Variants in GPR39 observed in about 807,000 individuals in gnomAD.
GPR39 encodes G protein-coupled receptor 39, also known as zinc sensing receptor.
In GPR39, 23 loss-of-function variants were observed where a neutral mutation model predicts 18.4. The ratio of observed to expected loss-of-function variants is 1.25; its 90% CI spans 0.90 to 1.77. The LOEUF (loss-of-function observed/expected upper bound fraction) is 1.77. Ranked by LOEUF, GPR39 falls within the 40% of genes most tolerant of loss-of-function variation. The pLI, the probability that GPR39 is intolerant of heterozygous loss-of-function variation, is 0.00. For missense variants in GPR39, 647 were observed against 602.4 expected (o/e 1.07, Z -0.78); for synonymous variants, 280 against 257.9 (o/e 1.09, Z -0.82).
chr2:132,516,007 C>A (rs917625294), intron 1 of GPR39, among the ~76,000 whole-genome samples: 2 of 152,248 alleles, frequency 1.3e-5, no homozygotes, highest in Admixed American at 1.3e-4. Context: ...GTTAATCTGT[C>A]TCCTGTTATC....
chr2:132,634,281 T>A (rs1221441027), intron 1 of GPR39, among the ~76,000 whole-genome samples: 3 of 152,162 alleles, frequency 2.0e-5, no homozygotes, highest in African/African-American at 7.2e-5. Context: ...ATCCCTTCAG[T>A]GTCTCCTTTG....
chr2:132,621,451 C>G (rs142941287), intron 1 of GPR39, among the ~76,000 whole-genome samples: 356 of 152,338 alleles, frequency 2.3e-3, no homozygotes, highest in African/African-American at 8.2e-3. Flanking sequence ...CATGTCTTGA[C>G]TTGTGATAAG....
intron 1 of GPR39, among the ~76,000 whole-genome samples, chr2:132,515,330 C>T (rs948461716): frequency 1.3e-5 from 2 of 152,180 alleles, no homozygotes; most frequent in African/African-American, 4.8e-5. Flanking sequence ...TTTATCCAAC[C>T]AAGGTTTCCA....
chr2:132,567,566 G>A (rs1027032882), intron 1 of GPR39, among the ~76,000 whole-genome samples: 4 of 152,056 alleles, frequency 2.6e-5, no homozygotes, highest in South Asian at 2.1e-4. Flanking sequence ...TGGATTTCTC[G>A]GCCTCCTGAA....
intron 1 of GPR39, among the ~76,000 whole-genome samples, chr2:132,507,335 G>A (rs1679153224): frequency 6.6e-6 from 1 of 152,168 alleles, no homozygotes; most frequent in Non-Finnish European, 1.5e-5. Flanking sequence ...GATAGAAGAA[G>A]TCTTAAAAAT....
chr2:132,626,771 A>G (rs888494218), intron 1 of GPR39, among the ~76,000 whole-genome samples: 17 of 152,300 alleles, frequency 1.1e-4, no homozygotes, highest in Non-Finnish European at 2.2e-4. Context: ...CCCGCAGGCC[A>G]CTACATTAAA....
At chr2:132,587,014 G>A (rs1466930138) in intron 1 of GPR39, among the ~76,000 whole-genome samples, 2 of 152,192 alleles carry the variant, frequency 1.3e-5, no homozygotes, top group Non-Finnish European at 2.9e-5. Flanking sequence ...GAGTTTATAT[G>A]TTCAATCTGG....
intron 1 of GPR39, among the ~76,000 whole-genome samples, chr2:132,546,839 CAAAAAAAAAAAAAA>C (rs60267293): frequency 5.9e-5 from 2 of 33,956 alleles, no homozygotes; most frequent in African/African-American, 9.0e-5. Flanking sequence ...AGCTCCACAG[CAAAAAAAAAAAAAA>C]AAAAAAAAAA....
At chr2:132,557,255 T>C (rs1680169518) in intron 1 of GPR39, among the ~76,000 whole-genome samples, 1 of 152,080 alleles carries the variant, frequency 6.6e-6, no homozygotes, top group African/African-American at 2.4e-5. Context: ...GGAGGGGAAG[T>C]TGGAGTGAAC....
intron 1 of GPR39, among the ~76,000 whole-genome samples, chr2:132,546,697 C>G (rs1423816166): frequency 6.6e-6 from 1 of 151,732 alleles, no homozygotes; most frequent in Non-Finnish European, 1.5e-5. Flanking sequence ...AAAACTCGGT[C>G]CAGCCCAGTC....
At chr2:132,624,023 G>C (rs1490747770) in intron 1 of GPR39, among the ~76,000 whole-genome samples, 1 of 152,178 alleles carries the variant, frequency 6.6e-6, no homozygotes, top group East Asian at 1.9e-4. Context: ...GGAAGCCAGG[G>C]ATAACCTGGG....
At chr2:132,628,311 G>A (rs890356251) in intron 1 of GPR39, among the ~76,000 whole-genome samples, 2 of 152,178 alleles carry the variant, frequency 1.3e-5, no homozygotes, top group East Asian at 1.9e-4. Context: ...GGAGTTATTT[G>A]GTTTCCTATG....
chr2:132,449,251 G>GTTTC (rs35509831), intron 1 of GPR39, among the ~76,000 whole-genome samples: 3 of 126,524 alleles, frequency 2.4e-5, no homozygotes, highest in African/African-American at 6.0e-5. Context: ...TTGTTTGTTT[G>GTTTC]TTTTGTTTTG....
chr2:132,603,300 TC>T (rs1681078158), intron 1 of GPR39, among the ~76,000 whole-genome samples: 1 of 152,190 alleles, frequency 6.6e-6, no homozygotes, highest in South Asian at 2.1e-4. Context: ...CCACATGTTC[TC>T]ACTCATGTGG....
In GPR39 at chr2:132,552,877, TATATATATACACAC is replaced by T. The variant is rs1370478709; in HGVS notation, c.857-92214_857-92201del. Among the ~76,000 whole-genome samples the T allele has an allele frequency of 2.4e-3, 247 of 102,326 alleles. 1 individual carries two copies. The highest frequency in any genetic ancestry group is 0.01 in the African/African-American group (229 of 22,156). The allele number at this position is 102,326 out of a possible 152,430, so 67.1% of individuals were successfully genotyped here. ...ATATATATATACATATATATACACA[TATATATATACACAC>T]ATATATATATACACACACATATATA... On this transcript the variant is annotated intron_variant, in intron 1 of 1. Coordinates refer to ENST00000329321, the MANE Select transcript of GPR39 (RefSeq NM_001508.3).
In GPR39 at chr2:132,483,828, TA is replaced by T. The variant is rs371855708; in HGVS notation, c.856+65939del. ...ACCTGCTTCCTGGAGCAGGTCCTAC[TA>T]AAAAAAAATGACAATATTCCTGGGT... is the stretch of plus-strand genomic sequence containing the variant. On this transcript the variant is annotated intron_variant, in intron 1 of 1. Coordinates refer to ENST00000329321, the MANE Select transcript of GPR39 (RefSeq NM_001508.3). 4.8e-3 allele frequency among the ~76,000 whole-genome samples: 722 copies of T among 151,224 alleles called. 6 individuals carry two copies. The highest frequency in any genetic ancestry group is 0.017 in the African/African-American group (697 of 41,252).
chr2:132,420,991 A>G (rs1041349793), intron 1 of GPR39, among the ~76,000 whole-genome samples: 6 of 152,198 alleles, frequency 3.9e-5, no homozygotes, highest in Admixed American at 6.5e-5. Context: ...AATCAGTACT[A>G]GACTTGGTTT....
At chr2:132,589,409 G>A (rs1680789562) in intron 1 of GPR39, among the ~76,000 whole-genome samples, 1 of 152,190 alleles carries the variant, frequency 6.6e-6, no homozygotes. Flanking sequence ...TTTTCCATGT[G>A]CATAACTTCT....
chr2:132,458,120 ACC>A (rs1178177038), intron 1 of GPR39, among the ~76,000 whole-genome samples: 2 of 151,942 alleles, frequency 1.3e-5, no homozygotes, highest in African/African-American at 4.8e-5. Flanking sequence ...GCTTCAGCTC[ACC>A]CTCTGTGGGC....
Sources: allele counts gnomAD v4.1 joint callset (sites outside exome capture counted in the v4.1 genomes callset), GRCh38; gene constraint gnomAD v4.1.1; transcripts MANE v1.5; gene names NCBI Gene and HGNC (gene_info 2026-07-23, HGNC 2026-07-21).